Variants in IPO8 observed in about 807,000 individuals in gnomAD.
The protein encoded by IPO8 is importin-8.
A neutral mutation model predicts 141.2 loss-of-function variants in IPO8; 65 were observed. The ratio of observed to expected loss-of-function variants is 0.46; its 90% confidence interval spans 0.38 to 0.57. IPO8 has a LOEUF of 0.57. Among genes scored for constraint, IPO8 ranks in the 20% least tolerant of loss-of-function variants. The probability of loss-of-function intolerance (pLI) is 0.00; values close to 1 mark genes in which losing one functional copy is unlikely to be tolerated. For missense variants in IPO8, 980 were observed against 1,246.8 expected (o/e 0.79, Z 3.22); for synonymous variants, 411 against 420.3 (o/e 0.98, Z 0.27).
In IPO8 at chr12:30,695,059, C is replaced by T. The variant is rs558869879; in HGVS notation, c.84+505G>A. 3.8e-4 allele frequency: 174 copies of T among 455,618 alleles called. 1 individual carries two copies. Among genetic ancestry groups the T allele is most frequent in the African/African-American group, 3.4e-3 (169 of 50,154 alleles). 28.2% of individuals were successfully genotyped at this position (455,618 alleles called of 1,614,324 possible). On this transcript the variant is annotated intron_variant, in intron 1 of 24. Transcript: ENST00000256079. The surrounding 1 kb of genome is among the most constrained non-coding windows in gnomAD (Gnocchi z 4.2). ...GCACTCTCCCAACAGCACTGCCCAG[C>T]GCTCCGCAAAACTCGGCCAATCGGT...
chr12:30,663,773 G>C (rs1303871286), intron 13 of IPO8, 119 bp from the exon 14 acceptor site: 3 of 722,564 alleles, frequency 4.2e-6, no homozygotes, highest in Non-Finnish European at 6.0e-6. Context: ...TTTGCTTTTG[G>C]GGTAACACAG....
intron 13 of IPO8, 82 bp from the exon 14 acceptor site, chr12:30,663,736 G>A: frequency 1.9e-6 from 2 of 1,052,720 alleles, no homozygotes; most frequent in Non-Finnish European, 2.6e-6. Flanking sequence ...GAACTTCTTA[G>A]TAAAATATCA....
chr12:30,646,183 G>A (rs2052643458), intron 20 of IPO8, among the ~76,000 whole-genome samples: 1 of 152,138 alleles, frequency 6.6e-6, no homozygotes, highest in Non-Finnish European at 1.5e-5. Context: ...ATTTATACCA[G>A]GAATGCAAGT....
At position 30,674,057 on chromosome 12, in the gene IPO8, T is replaced by C. The variant is rs762650909; in HGVS notation, c.842A>G (p.Asn281Ser). 1 of 1,582,298 alleles carries C rather than the reference T, an allele frequency of 6.3e-7. No individual in the cohort carries two copies. The highest frequency in any genetic ancestry group is 2.3e-5 in the East Asian group (1 of 44,372). Residue 281 changes from asparagine (N) to serine (S), a missense_variant, in exon 8 of 25, where the codon AAT (asparagine) becomes AGT (serine). Coordinates refer to ENST00000256079, the MANE Select transcript of IPO8 (RefSeq NM_006390.4). ...RLFERYGSPG[N>S]VTKEYFEFSE... Reference sequence around the variant, plus strand: ...AAATTCAAAGTATTCTTTTGTGACATTTCCTGGGCTTCCATATCTTAAAAT... The same window carrying C: ...AAATTCAAAGTATTCTTTTGTGACACTTCCTGGGCTTCCATATCTTAAAAT...
chr12:30,631,639 C>A (rs2052433986), intron 24 of IPO8: 1 of 303,588 alleles, frequency 3.3e-6, no homozygotes, highest in African/African-American at 2.2e-5. Flanking sequence ...TACTTTGTAC[C>A]TTTGCCTCCA....
intron 7 of IPO8, among the ~76,000 whole-genome samples, chr12:30,674,353 T>C (rs2053090593): frequency 6.6e-6 from 1 of 152,228 alleles, no homozygotes; most frequent in Non-Finnish European, 1.5e-5. Context: ...ACATAGATTT[T>C]TTTCAATAAA....
At chr12:30,650,607 T>C (rs1007871868) in intron 19 of IPO8, among the ~76,000 whole-genome samples, 2 of 152,148 alleles carry the variant, frequency 1.3e-5, no homozygotes, top group Admixed American at 6.5e-5. Context: ...CCTCTTTTAC[T>C]GTCCCCATCT....
rs146553001 is a variant in IPO8, at chr12:30,663,665, A to T, written c.1429-11T>A. 1.1e-3 allele frequency: 1,717 copies of T among 1,586,580 alleles called. 11 individuals carry two copies. In the African/African-American group the frequency reaches 0.02, roughly 19 times the overall value. Reference sequence around the variant, plus strand: ...AAGTACCCAGCAAGACTGTATTATTAAAAAAGGTAAGTAGGGAGCTATTAG... The same window carrying T: ...AAGTACCCAGCAAGACTGTATTATTTAAAAAGGTAAGTAGGGAGCTATTAG... On this transcript the variant is annotated splice_polypyrimidine_tract_variant and intron_variant, in intron 13 of 24. Coordinates refer to ENST00000256079, the MANE Select transcript of IPO8 (RefSeq NM_006390.4).
chr12:30,673,999 G>T lies in IPO8; in HGVS notation c.900C>A (p.Gly300=). The T allele has an allele frequency of 6.4e-7, 1 of 1,566,496 alleles. No homozygotes were observed. The highest frequency in any genetic ancestry group is 1.2e-5 in the South Asian group (1 of 84,894). Residue 300 remains glycine, a synonymous_variant, in exon 8 of 25, where the codon GGC becomes GGA. Coordinates refer to ENST00000256079, the MANE Select transcript of IPO8 (RefSeq NM_006390.4). ...AGCATAAGTTTATTACCTGCTGAAT[G>T]CCCACTGCATAGGTTTTCAAAAAGA... The part of the protein sequence containing the change: ...SEFFLKTYAV[G]IQQVLLKILD...
At chr12:30,646,256 C>T (rs2052644528) in intron 20 of IPO8, among the ~76,000 whole-genome samples, 1 of 152,152 alleles carries the variant, frequency 6.6e-6, no homozygotes. Context: ...ACAAAAACTA[C>T]ATGATCATCT....
At chr12:30,673,369 A>C (rs760270722) in intron 8 of IPO8, among the ~76,000 whole-genome samples, 1 of 152,230 alleles carries the variant, frequency 6.6e-6, no homozygotes, top group Non-Finnish European at 1.5e-5. Context: ...ATAATTAATA[A>C]ATTTTATTGA....
chr12:30,631,185 A>C (rs1223166757), intron 24 of IPO8, among the ~76,000 whole-genome samples: 3 of 152,304 alleles, frequency 2.0e-5, no homozygotes, highest in East Asian at 3.9e-4. Context: ...AGTGAAAAGA[A>C]AACACGTCTC....
chr12:30,684,540 C>A (rs2053221222), intron 2 of IPO8, 83 bp from the exon 3 acceptor site: 1 of 1,351,532 alleles, frequency 7.4e-7, no homozygotes, highest in Non-Finnish European at 1.0e-6. Flanking sequence ...AAGTCCAAAC[C>A]CTTCAATGTT....
chr12:30,676,888 T>C (rs2053127686), intron 5 of IPO8: 2 of 1,488,944 alleles, frequency 1.3e-6, no homozygotes, highest in East Asian at 2.5e-5. Flanking sequence ...GTGATTTTTA[T>C]GACTTACCCC....
At chr12:30,657,388 G>A (rs2052814785) in intron 16 of IPO8, among the ~76,000 whole-genome samples, 1 of 152,104 alleles carries the variant, frequency 6.6e-6, no homozygotes, top group African/African-American at 2.4e-5. Context: ...ATTAAGACTG[G>A]AAATGATCAC....
At position 30,663,514 on chromosome 12, in the gene IPO8, C is replaced by G. The variant is rs778018486; in HGVS notation, c.1569G>C (p.Gln523His). 3.3e-5 allele frequency: 53 copies of G among 1,613,086 alleles called. No homozygotes were observed. Among genetic ancestry groups the G allele is most frequent in the Non-Finnish European group, 4.3e-5 (51 of 1,179,680 alleles). The change falls in exon 14 of 25, where the codon CAG becomes CAC. Residue 523 changes from glutamine (Q) to histidine (H), a missense_variant. Coordinates refer to ENST00000256079, the MANE Select transcript of IPO8 (RefSeq NM_006390.4). ...CTTGTATCTGGTTAGAAATTAAAGA[C>G]TGAAGAGCAAGGGCAGCTTCAACTT... is the stretch of plus-strand genomic sequence containing the variant. ...PVKVEAALAL[Q>H]SLISNQIQAK...
Position 30,639,639 on chromosome 12 carries a change from C to A in IPO8, c.2365G>T (p.Ala789Ser). The change falls in exon 21 of 25, where the codon GCC becomes TCC. Residue 789 changes from alanine (A) to serine (S), a missense_variant. Ala to Ser is a moderately conservative substitution (Grantham distance 99). Around this residue, in one of 3 missense-constraint regions of IPO8, gnomAD observed 924 missense variants for 1,153.9 expected, o/e 0.80. Transcript: ENST00000256079. ...AGCAAATCAGGGTTGTAGTACAAGG[C>A]AGCAATTGCAACCTGAAGACACATA... is the stretch of plus-strand genomic sequence containing the variant. ...RTMCLQVAIA[A>S]LYYNPDLLLH... The A allele has an allele frequency of 6.2e-7, 1 of 1,613,990 alleles. No homozygotes were observed.
chr12:30,641,856 G>A lies in IPO8; in HGVS notation c.2269-2121C>T, dbSNP rs149593681. Among the ~76,000 whole-genome samples the A allele has an allele frequency of 6.7e-3, 1,014 of 152,184 alleles. 7 individuals carry two copies. The highest frequency in any genetic ancestry group is 0.023 in the African/African-American group (961 of 41,520). ...GGTGTGGGAGATATAGAACAGAATC[G>A]AGTAGGTTAAGGATAAAGAATGTAG... On this transcript the variant is annotated intron_variant, in intron 20 of 24. Transcript: ENST00000256079.
intron 20 of IPO8, among the ~76,000 whole-genome samples, chr12:30,641,015 C>T (rs2052567674): frequency 6.6e-6 from 1 of 152,050 alleles, no homozygotes; most frequent in Non-Finnish European, 1.5e-5. Flanking sequence ...TTCATTTTAA[C>T]AAGTATTTAC....
Sources: gnomAD v4.1 joint callset for allele counts (sites outside exome capture counted in the v4.1 genomes callset) on GRCh38, gnomAD v4.1.1 for gene constraint, gnomAD v4.1.1 regional missense constraint, Gnocchi (gnomAD v3.1) non-coding constraint, MANE v1.5 for transcripts, NCBI Gene and HGNC (gene_info 2026-07-23, HGNC 2026-07-21) for gene names.